Variants in COL22A1 observed in about 807,000 individuals in gnomAD.
COL22A1 encodes the protein collagen type XXII alpha 1 chain.
A neutral mutation model predicts 248.9 loss-of-function variants in COL22A1; 221 were observed. The ratio of observed to expected loss-of-function variants is 0.89; its 90% CI spans 0.80 to 0.99. COL22A1 has a LOEUF of 0.99. COL22A1 is among the 50% of genes least tolerant of loss of function. The pLI is 0.00. For missense variants in COL22A1, 2,240 were observed against 2,179.0 expected (o/e 1.03, Z -0.56); for synonymous variants, 891 against 793.4 (o/e 1.12, Z -2.07).
chr8:138,900,553 G>C (rs1814472342), intron 1 of COL22A1, among the ~76,000 whole-genome samples: 1 of 152,112 alleles, frequency 6.6e-6, no homozygotes, highest in African/African-American at 2.4e-5. Flanking sequence ...TGCCATTTCT[G>C]TTTCTCTCCC....
chr8:138,819,921 G>A (rs1451743693), intron 7 of COL22A1, among the ~76,000 whole-genome samples: 3 of 151,764 alleles, frequency 2.0e-5, no homozygotes, highest in Non-Finnish European at 4.4e-5. Flanking sequence ...AAGCTTAAAG[G>A]ACAGCTGTTG....
At chr8:138,692,486 T>C (rs62527935) in intron 35 of COL22A1, among the ~76,000 whole-genome samples, 48,488 of 147,556 alleles carry the variant, frequency 0.33, 8,180 homozygotes, top group South Asian at 0.41. Context: ...TGTGTGTGTG[T>C]GTGTGTGTGT....
chr8:138,808,394 A>C (rs1817907380), intron 9 of COL22A1, among the ~76,000 whole-genome samples: 1 of 152,250 alleles, frequency 6.6e-6, no homozygotes, highest in Non-Finnish European at 1.5e-5. Flanking sequence ...CCAAAGGGGT[A>C]TTCACTAGCT....
intron 37 of COL22A1, among the ~76,000 whole-genome samples, chr8:138,688,107 C>A (rs1282178941): frequency 6.6e-6 from 1 of 152,020 alleles, no homozygotes; most frequent in African/African-American, 2.4e-5. Context: ...GAGACATTTC[C>A]TAAGGTGCTA....
chr8:138,881,477 C>T (rs144310420), intron 2 of COL22A1, among the ~76,000 whole-genome samples: 2 of 151,940 alleles, frequency 1.3e-5, no homozygotes, highest in African/African-American at 2.4e-5. Context: ...CGAGGTGAGG[C>T]GATCGAGACC....
At chr8:138,791,653 A>T (rs1816053649) in intron 12 of COL22A1, among the ~76,000 whole-genome samples, 1 of 152,140 alleles carries the variant, frequency 6.6e-6, no homozygotes, top group Admixed American at 6.5e-5. Context: ...TTTCCTGCAC[A>T]CTTGGCATCC....
intron 16 of COL22A1, among the ~76,000 whole-genome samples, chr8:138,769,304 G>A (rs893770798): frequency 1.3e-5 from 2 of 152,256 alleles, no homozygotes; most frequent in South Asian, 2.1e-4. Context: ...ACCACATAAC[G>A]TGGCCTCAGG....
rs1315833870 is a variant in COL22A1, at chr8:138,684,417, G to A, written c.3012+8C>T. On this transcript the variant is annotated splice_region_variant and intron_variant, in intron 39 of 64. Coordinates refer to ENST00000303045, the MANE Select transcript of COL22A1 (RefSeq NM_152888.3). Reference sequence around the variant, plus strand: ...TGGCACCCACAGTTTTCTTGGACAAGCACTCACCTTGGTTCCTAGGGGTCC... The same window carrying A: ...TGGCACCCACAGTTTTCTTGGACAAACACTCACCTTGGTTCCTAGGGGTCC... 2 of 1,602,256 alleles carry A rather than the reference G, an allele frequency of 1.2e-6. No homozygotes were observed. The highest frequency in any genetic ancestry group is 1.7e-6 in the Non-Finnish European group (2 of 1,169,186).
At chr8:138,649,479 A>G (rs552373777) in intron 46 of COL22A1, among the ~76,000 whole-genome samples, 186 bp downstream of exon 46, 1 of 152,250 alleles carries the variant, frequency 6.6e-6, no homozygotes, top group Admixed American at 6.5e-5. Flanking sequence ...AGTGACAAAG[A>G]CCCATAGATA....
chr8:138,819,023 C>T (rs1316523), intron 7 of COL22A1, among the ~76,000 whole-genome samples: 29,371 of 152,128 alleles, frequency 0.19, 3,120 homozygotes, highest in South Asian at 0.27. Flanking sequence ...GTCCTCCCAC[C>T]TCTGCAAGCC....
intron 26 of COL22A1, 61 bp downstream of exon 26, chr8:138,721,975 C>T (rs1829898897): frequency 1.6e-6 from 2 of 1,236,572 alleles, no homozygotes; most frequent in South Asian, 1.3e-5. Flanking sequence ...AACAATCAAG[C>T]ATCTCTTTAG....
At chr8:138,780,607 A>C (rs2131525518) in intron 13 of COL22A1, among the ~76,000 whole-genome samples, 1 of 152,272 alleles carries the variant, frequency 6.6e-6, no homozygotes, top group Admixed American at 6.5e-5. Flanking sequence ...CTGGGGTCTT[A>C]AGCAAATCCA....
intron 60 of COL22A1, among the ~76,000 whole-genome samples, chr8:138,600,769 A>C (rs1817933851): frequency 6.6e-6 from 1 of 152,232 alleles, no homozygotes; most frequent in South Asian, 2.1e-4. Flanking sequence ...AAGTCACTTC[A>C]ATTTTCCAAG....
intron 4 of COL22A1, among the ~76,000 whole-genome samples, chr8:138,835,121 A>C (rs1250387615): frequency 6.6e-6 from 1 of 152,160 alleles, no homozygotes; most frequent in African/African-American, 2.4e-5. Context: ...GAGCAGGGCA[A>C]GGTTGCTCTG....
At chr8:138,642,590 T>C (rs1294594025) in intron 47 of COL22A1, among the ~76,000 whole-genome samples, 2 of 152,206 alleles carry the variant, frequency 1.3e-5, no homozygotes, top group African/African-American at 2.4e-5. Context: ...AAACCCTCCG[T>C]TGAAGCAAAT....
At chr8:138,842,850 A>G (rs1305979151) in intron 4 of COL22A1, among the ~76,000 whole-genome samples, 1 of 152,192 alleles carries the variant, frequency 6.6e-6, no homozygotes, top group Non-Finnish European at 1.5e-5. Context: ...CAGGTGCCCC[A>G]CCTCGAGAAT....
intron 3 of COL22A1, among the ~76,000 whole-genome samples, chr8:138,870,179 G>A (rs530041288): frequency 3.3e-5 from 5 of 151,676 alleles, no homozygotes; most frequent in African/African-American, 7.3e-5. Flanking sequence ...GGAGGGTTGC[G>A]TACATGGCCA....
intron 1 of COL22A1, among the ~76,000 whole-genome samples, chr8:138,896,802 G>A (rs1202900812): frequency 2.0e-5 from 3 of 152,038 alleles, no homozygotes; most frequent in East Asian, 1.9e-4. Flanking sequence ...ACGAAACCCC[G>A]TCTCTGCTAA....
chr8:138,778,364 C>A lies in COL22A1; in HGVS notation c.1747G>T (p.Val583Phe). 1 of 1,613,874 alleles carries A rather than the reference C, an allele frequency of 6.2e-7. No homozygotes were observed. The highest frequency in any genetic ancestry group is 8.5e-7 in the Non-Finnish European group (1 of 1,179,900). The part of the protein sequence containing the change: ...PPGLPGPPGR[V>F]GAPGLQGERG... Reference sequence around the variant, plus strand: ...GTGCCTTCACTTACAGGAGCTCCGACACGTCCAGGAGGTCCGGGGAGTCCA... The same window carrying A: ...GTGCCTTCACTTACAGGAGCTCCGAAACGTCCAGGAGGTCCGGGGAGTCCA... Residue 583 changes from valine (V) to phenylalanine (F), a missense_variant, in exon 15 of 65, where the codon GTC becomes TTC. Transcript: ENST00000303045.
Sources: gnomAD v4.1 joint callset for allele counts (sites outside exome capture counted in the v4.1 genomes callset) on GRCh38, gnomAD v4.1.1 for gene constraint, MANE v1.5 for transcripts, NCBI Gene and HGNC (gene_info 2026-07-23, HGNC 2026-07-21) for gene names.